Variants in AKAP9 observed in about 807,000 individuals in gnomAD.
The protein encoded by AKAP9 is A-kinase anchor protein 9.
A neutral mutation model predicts 488.5 loss-of-function variants in AKAP9; 311 were observed. The ratio of observed to expected loss-of-function variants is 0.64; its 90% CI spans 0.58 to 0.70. AKAP9 has a LOEUF of 0.70. AKAP9 is among the 30% of genes least tolerant of loss of function. The pLI, the probability that AKAP9 is intolerant of heterozygous loss-of-function variation, is 0.00. For synonymous variants in AKAP9, 1,462 were observed against 1,483.5 expected (o/e 0.99, Z 0.33); for missense variants, 4,215 against 4,374.5 (o/e 0.96, Z 1.03).
intron 22 of AKAP9, chr7:92,058,409 T>C (rs1257491698): frequency 1.9e-6 from 1 of 524,788 alleles, no homozygotes; most frequent in East Asian, 4.3e-5. Flanking sequence ...TACCCCTCCT[T>C]ATTCAGTAAG....
intron 41 of AKAP9, 61 bp from the exon 42 acceptor site, chr7:92,097,525 T>C (rs1022500852): frequency 1.3e-5 from 21 of 1,562,418 alleles, no homozygotes; most frequent in Non-Finnish European, 1.4e-5. Context: ...TCCCTTAAGA[T>C]AGACTGTGAT....
In AKAP9 at chr7:92,083,388, GA is replaced by G; in HGVS notation, c.8380del (p.Thr2794LeufsTer27). On this transcript the variant is annotated frameshift_variant, in exon 33 of 50. Coordinates refer to ENST00000356239, the MANE Select transcript of AKAP9 (RefSeq NM_005751.5). LOFTEE classifies it high-confidence loss of function. ...CTCTGAAGATCAGTAGCAGCAATCA[GA>G]CTCCACAAATTCTTGTTAAAAATGC... ...GTLKISSSNQTPQILVKNAGI... is the reference protein window; with the variant it reads ...GTLKISSSNQXPQILVKNAGI... The G allele has an allele frequency of 6.2e-7, 1 of 1,613,984 alleles. No homozygotes were observed. Among genetic ancestry groups the G allele is most frequent in the Non-Finnish European group, 8.5e-7 (1 of 1,179,984 alleles).
intron 1 of AKAP9, among the ~76,000 whole-genome samples, chr7:91,972,919 A>G (rs1359878961): frequency 1.3e-5 from 2 of 152,172 alleles, no homozygotes; most frequent in African/African-American, 2.4e-5. Flanking sequence ...TTTTTTTCCC[A>G]TTATGAATAA....
At chr7:92,023,992 T>C (rs1802702264) in intron 14 of AKAP9, among the ~76,000 whole-genome samples, 1 of 152,178 alleles carries the variant, frequency 6.6e-6, no homozygotes, top group Non-Finnish European at 1.5e-5. Flanking sequence ...TTAACCATTC[T>C]GTGTAAATTA....
intron 46 of AKAP9, 86 bp downstream of exon 46, chr7:92,102,912 T>C: frequency 8.4e-7 from 1 of 1,189,304 alleles, no homozygotes; most frequent in South Asian, 1.2e-5. Context: ...TCTCTGCTGG[T>C]TATACTCTAT....
At chr7:92,102,171 AAATAAATAAAT>A (rs1219884811) in intron 45 of AKAP9, among the ~76,000 whole-genome samples, 1 of 109,656 alleles carries the variant, frequency 9.1e-6, no homozygotes, top group Admixed American at 9.4e-5. Flanking sequence ...TTTAAAAAAA[AAATAAATAAAT>A]AAATAAATAA....
At chr7:91,955,973 AATT>A (rs1400940422) in intron 1 of AKAP9, among the ~76,000 whole-genome samples, 2 of 152,162 alleles carry the variant, frequency 1.3e-5, no homozygotes, top group Non-Finnish European at 2.9e-5. Flanking sequence ...ATTTTCAAAA[AATT>A]ATTATGTATT....
At chr7:91,959,104 C>T (rs1170485777) in intron 1 of AKAP9, among the ~76,000 whole-genome samples, 2 of 151,880 alleles carry the variant, frequency 1.3e-5, no homozygotes, top group Non-Finnish European at 2.9e-5. Context: ...AGGTTGGTCT[C>T]GAATTCCTGG....
chr7:92,092,739 C>T (rs528167183), intron 38 of AKAP9: 9 of 229,900 alleles, frequency 3.9e-5, no homozygotes, highest in Admixed American at 5.2e-5. Flanking sequence ...CTCCACCTCC[C>T]GGGCTCAAGC....
chr7:92,099,790 A>G lies in AKAP9; in HGVS notation c.10817A>G (p.Lys3606Arg). The G allele has an allele frequency of 6.2e-7, 1 of 1,614,176 alleles. No homozygotes were observed. The change falls in exon 44 of 50, where the codon AAG (lysine) becomes AGG (arginine). Residue 3606 changes from lysine (K) to arginine (R), a missense_variant. Around this residue, in one of 5 missense-constraint regions of AKAP9, gnomAD observed 74 missense variants for 113.0 expected, o/e 0.65. Transcript: ENST00000356239. ...CATATCAGTCAACTGACTGAAGAGA[A>G]GAATGACTTAAGGAACATGGTTATG... ...TGHISQLTEE[K>R]NDLRNMVMKL...
chr7:91,986,064 T>G (rs529259549), intron 3 of AKAP9, among the ~76,000 whole-genome samples: 1 of 152,318 alleles, frequency 6.6e-6, no homozygotes, highest in African/African-American at 2.4e-5. Context: ...TTTTGGTTGG[T>G]GGTCTATTAA....
In AKAP9 at chr7:92,031,688, A is replaced by T; in HGVS notation, c.4338+84A>T. 2.8e-6 allele frequency: 3 copies of T among 1,071,642 alleles called. No homozygotes were observed. In the South Asian group the frequency reaches 3.9e-5, roughly 14 times the overall value. The allele number at this position is 1,071,642 out of a possible 1,614,324, so 66.4% of individuals were successfully genotyped here. Reference sequence around the variant, plus strand: ...AAAGAACATAGATTTTATCGATGGTATGTACTTTATAAGTTTCATATATAG... The same window carrying T: ...AAAGAACATAGATTTTATCGATGGTTTGTACTTTATAAGTTTCATATATAG... On this transcript the variant is annotated intron_variant, in intron 16 of 49. Transcript: ENST00000356239.
chr7:92,109,945 C>A (rs1293195640), intron 49 of AKAP9, among the ~76,000 whole-genome samples, 177 bp from the exon 50 acceptor site: 4 of 152,008 alleles, frequency 2.6e-5, no homozygotes, highest in African/African-American at 9.7e-5. Context: ...AGTAACACTC[C>A]ACCTTGGGGG....
At chr7:92,054,892 A>T (rs1394076062) in intron 22 of AKAP9, among the ~76,000 whole-genome samples, 2 of 151,998 alleles carry the variant, frequency 1.3e-5, no homozygotes, top group Non-Finnish European at 2.9e-5. Context: ...AATCTCTTTA[A>T]CACAATCCTT....
chr7:92,040,758 G>A lies in AKAP9; in HGVS notation c.4777G>A (p.Glu1593Lys), dbSNP rs1195492545. 1 of 1,613,398 alleles carries A rather than the reference G, an allele frequency of 6.2e-7. No homozygotes were observed. The highest frequency in any genetic ancestry group is 1.3e-5 in the African/African-American group (1 of 74,724). The change falls in exon 18 of 50, where the codon GAA becomes AAA. Residue 1593 changes from glutamate to lysine, a missense_variant. Glu to Lys is a moderately conservative substitution (Grantham distance 56). Transcript: ENST00000356239. ...AGAACAGTTGGAAGATATGAGACAG[G>A]AACTTGTACGACAATACCAAGAACA... ...NEEQLEDMRQ[E>K]LVRQYQEHQQ... is the part of the protein sequence containing the mutation.
intron 21 of AKAP9, among the ~76,000 whole-genome samples, chr7:92,051,759 A>T (rs1351942098): frequency 6.6e-6 from 1 of 152,180 alleles, no homozygotes; most frequent in African/African-American, 2.4e-5. Flanking sequence ...TGGTACATGA[A>T]GATTTCCTCT....
chr7:91,971,345 T>C (rs559813308), intron 1 of AKAP9, among the ~76,000 whole-genome samples: 17 of 152,240 alleles, frequency 1.1e-4, no homozygotes, highest in African/African-American at 4.1e-4. Flanking sequence ...TTTTAATCTT[T>C]GTTAAATTTT....
At position 91,993,052 on chromosome 7, in the gene AKAP9, G is replaced by A. The variant is rs1193980374; in HGVS notation, c.573G>A (p.Gln191=). ...MRVTYGTEGL[Q]QLQEFEAAIK... is the part of the protein sequence containing the mutation. ...TTACCTATGGGACTGAAGGACTGCA[G>A]CAGGTATGTTTATTTTCTGTGGCTT... is the stretch of plus-strand genomic sequence containing the variant. The change falls in exon 5 of 50, where the codon CAG becomes CAA. Residue 191 remains glutamine, a synonymous_variant. Coordinates refer to ENST00000356239, the MANE Select transcript of AKAP9 (RefSeq NM_005751.5). 3.7e-6 allele frequency: 6 copies of A among 1,614,018 alleles called. No individual in the cohort carries two copies.
intron 12 of AKAP9, among the ~76,000 whole-genome samples, chr7:92,019,389 C>A (rs1801999168): frequency 6.6e-6 from 1 of 152,050 alleles, no homozygotes; most frequent in Middle Eastern, 3.4e-3. Context: ...ATCCGCCCAC[C>A]TTGGCCTCCC....
Sources: gnomAD v4.1 joint callset for allele counts (sites outside exome capture counted in the v4.1 genomes callset) on GRCh38, gnomAD v4.1.1 for gene constraint, gnomAD v4.1.1 regional missense constraint, MANE v1.5 for transcripts, NCBI Gene and HGNC (gene_info 2026-07-23, HGNC 2026-07-21) for gene names.